Variants in NEGR1 observed in about 807,000 individuals in gnomAD.
NEGR1 encodes the protein neuronal growth regulator 1.
In NEGR1, 10 loss-of-function variants were observed where a neutral mutation model predicts 40.9. The ratio of observed to expected loss-of-function variants is 0.24; its 90% CI spans 0.15 to 0.42. The LOEUF (loss-of-function observed/expected upper bound fraction) is 0.42. NEGR1 is among the 10% of genes least tolerant of loss of function. The pLI is 1.00. For missense variants in NEGR1, 352 were observed against 438.9 expected, an observed-to-expected ratio of 0.80 and a Z score of 1.77; for synonymous variants, 185 against 166.8, an observed-to-expected ratio of 1.11 and a Z score of -0.84.
At chr1:71,759,713 G>A (rs1484109821) in intron 3 of NEGR1, among the ~76,000 whole-genome samples, 1 of 142,866 alleles carries the variant, frequency 7.0e-6, no homozygotes, top group Non-Finnish European at 1.5e-5. Context: ...GGGTTCATGC[G>A]ATCCTTCTGC....
At chr1:71,855,959 T>C (rs549882992) in intron 2 of NEGR1, among the ~76,000 whole-genome samples, 2 of 152,120 alleles carry the variant, frequency 1.3e-5, no homozygotes, top group South Asian at 4.1e-4. Flanking sequence ...ACCACACAAC[T>C]CCTCTGCCTG....
intron 3 of NEGR1, among the ~76,000 whole-genome samples, chr1:71,749,337 G>A (rs1655492494): frequency 6.6e-6 from 1 of 152,066 alleles, no homozygotes; most frequent in African/African-American, 2.4e-5. Context: ...TTCAACAATG[G>A]TGTCTCTTAA....
At chr1:71,504,554 C>T (rs1463298176) in intron 6 of NEGR1, among the ~76,000 whole-genome samples, 1 of 152,190 alleles carries the variant, frequency 6.6e-6, no homozygotes, top group African/African-American at 2.4e-5. Context: ...ATCCCCCTCA[C>T]AACCGTTGAA....
intron 1 of NEGR1, among the ~76,000 whole-genome samples, chr1:71,946,942 A>G (rs995392677): frequency 6.6e-6 from 1 of 151,326 alleles, no homozygotes; most frequent in Non-Finnish European, 1.5e-5. Flanking sequence ...TTAGCTAGAC[A>G]TGGTGGTGTG....
At chr1:72,229,512 T>A (rs1654291168) in intron 1 of NEGR1, among the ~76,000 whole-genome samples, 1 of 149,784 alleles carries the variant, frequency 6.7e-6, no homozygotes, top group Admixed American at 6.7e-5. Flanking sequence ...ATGTTTTAAA[T>A]TTTTATTGCA....
At chr1:72,081,015 T>C (rs1557516917) in intron 1 of NEGR1, among the ~76,000 whole-genome samples, 1 of 151,642 alleles carries the variant, frequency 6.6e-6, no homozygotes, top group East Asian at 1.9e-4. Context: ...GACAGAAACA[T>C]AAAAAAATAA....
chr1:72,188,709 C>T lies in NEGR1; in HGVS notation c.176+93610G>A, dbSNP rs1380027038. ...CTGACATATTAAATGGAATCATCTC[C>T]TTATCTGCTTCACAGTGTTATTAAA... On this transcript the variant is annotated intron_variant, in intron 1 of 6. Transcript: ENST00000357731. 2.0e-5 allele frequency among the ~76,000 whole-genome samples: 3 copies of T among 151,414 alleles called. No individual in the cohort carries two copies. The East Asian group carries it at 5.8e-4, about 29-fold the overall frequency.
intron 6 of NEGR1, among the ~76,000 whole-genome samples, chr1:71,491,202 A>G (rs1280836464): frequency 6.6e-6 from 1 of 152,080 alleles, no homozygotes; most frequent in East Asian, 1.9e-4. Flanking sequence ...TATGGCATTT[A>G]CATAGTATTA....
intron 1 of NEGR1, among the ~76,000 whole-genome samples, chr1:72,194,778 A>G (rs1411667183): frequency 6.6e-6 from 1 of 152,094 alleles, no homozygotes; most frequent in African/African-American, 2.4e-5. Flanking sequence ...CACATGTCAC[A>G]TGAAAGGCAA....
chr1:72,223,021 A>G (rs558960817), intron 1 of NEGR1, among the ~76,000 whole-genome samples: 1 of 152,300 alleles, frequency 6.6e-6, no homozygotes, highest in East Asian at 1.9e-4. Context: ...CATTTAAAAT[A>G]TGGCTAATGT....
At chr1:71,916,073 A>C (rs149314487) in intron 2 of NEGR1, among the ~76,000 whole-genome samples, 2,585 of 152,222 alleles carry the variant, frequency 0.017, 34 homozygotes, top group South Asian at 0.054. Flanking sequence ...AAGGGTGGGC[A>C]AAAGAGAGAA....
intron 6 of NEGR1, among the ~76,000 whole-genome samples, chr1:71,498,537 T>C (rs1336770609): frequency 6.6e-6 from 1 of 152,112 alleles, no homozygotes; most frequent in Non-Finnish European, 1.5e-5. Flanking sequence ...GGTGTGCAGC[T>C]CCATCCTGCA....
intron 1 of NEGR1, among the ~76,000 whole-genome samples, chr1:72,113,225 C>T (rs1359487489): frequency 1.3e-5 from 2 of 151,592 alleles, no homozygotes; most frequent in Non-Finnish European, 2.9e-5. Context: ...CTTGGTGCTA[C>T]ATGAGACTCT....
At chr1:71,455,863 T>G (rs1646669096) in intron 6 of NEGR1, among the ~76,000 whole-genome samples, 1 of 152,246 alleles carries the variant, frequency 6.6e-6, no homozygotes, top group Non-Finnish European at 1.5e-5. Context: ...TTCCATCTTC[T>G]GTGACTCATA....
chr1:71,694,750 A>G (rs925159364), intron 4 of NEGR1, among the ~76,000 whole-genome samples: 1 of 151,850 alleles, frequency 6.6e-6, no homozygotes, highest in Non-Finnish European at 1.5e-5. Context: ...GACTTACCAC[A>G]TAACTGAATC....
chr1:71,973,559 G>A (rs1410072459), intron 1 of NEGR1, among the ~76,000 whole-genome samples: 1 of 152,082 alleles, frequency 6.6e-6, no homozygotes, highest in South Asian at 2.1e-4. Flanking sequence ...CAGAATGGAA[G>A]GGACAAAAAC....
intron 4 of NEGR1, among the ~76,000 whole-genome samples, chr1:71,697,702 C>T (rs1312734393): frequency 1.3e-5 from 2 of 151,746 alleles, no homozygotes; most frequent in Non-Finnish European, 2.9e-5. Context: ...ATGAGGAAAA[C>T]ACCAGCATAT....
chr1:71,807,568 C>A (rs1004728370), intron 2 of NEGR1, among the ~76,000 whole-genome samples: 1 of 152,154 alleles, frequency 6.6e-6, no homozygotes, highest in Non-Finnish European at 1.5e-5. Flanking sequence ...ATTGTTCATG[C>A]TTAATTTAGC....
intron 2 of NEGR1, among the ~76,000 whole-genome samples, chr1:71,875,994 A>C (rs765969407): frequency 1.3e-5 from 2 of 152,028 alleles, no homozygotes; most frequent in Non-Finnish European, 2.9e-5. Context: ...TATTTTTCTT[A>C]TTTAGTCTTA....
Sources: gnomAD v4.1 joint callset for allele counts (sites outside exome capture counted in the v4.1 genomes callset) on GRCh38, gnomAD v4.1.1 for gene constraint, MANE v1.5 for transcripts, NCBI Gene and HGNC (gene_info 2026-07-23, HGNC 2026-07-21) for gene names.